The following GLIS3 variants were observed in gnomAD, a reference collection of about 807,000 sequenced individuals.
The protein encoded by GLIS3 is GLIS family zinc finger 3, also known as zinc finger protein GLIS3.
A neutral mutation model predicts 78.6 loss-of-function variants in GLIS3; 53 were observed. The ratio of observed to expected loss-of-function variants is 0.67; its 90% CI spans 0.54 to 0.85. The LOEUF is 0.85. Ranked by LOEUF, GLIS3 falls within the 40% of genes least tolerant of loss-of-function variation. GLIS3 has a pLI of 0.00. For synonymous variants in GLIS3, 684 were observed against 509.9 expected (o/e 1.34, Z -4.60); for missense variants, 1,703 against 1,231.1 (o/e 1.38, Z -5.74).
At chr9:3,927,292 G>C (rs535149045) in intron 6 of GLIS3, among the ~76,000 whole-genome samples, 1 of 152,290 alleles carries the variant, frequency 6.6e-6, no homozygotes, top group South Asian at 2.1e-4. Context: ...AGAGTAGTTT[G>C]TTGAGATCTC....
intron 4 of GLIS3, among the ~76,000 whole-genome samples, chr9:4,110,544 C>A (rs550480325): frequency 7.9e-5 from 12 of 152,300 alleles, no homozygotes; most frequent in African/African-American, 2.6e-4. Context: ...TTTCATTCCA[C>A]TTTCTCACCA....
chr9:4,440,502 A>C, the GLIS3 span, among the ~76,000 whole-genome samples: 24,846 of 152,060 alleles, frequency 0.16, 2,541 homozygotes, highest in South Asian at 0.23. Flanking sequence ...TAAATTGTGG[A>C]TTTATTTCTG....
intron 4 of GLIS3, among the ~76,000 whole-genome samples, chr9:3,988,312 G>T (rs769899689): frequency 5.3e-5 from 8 of 152,094 alleles, no homozygotes; most frequent in Non-Finnish European, 1.2e-4. Flanking sequence ...AATGATAAAA[G>T]AAGGAATCCT....
chr9:4,077,637 C>G (rs1828189157), intron 4 of GLIS3, among the ~76,000 whole-genome samples: 1 of 152,120 alleles, frequency 6.6e-6, no homozygotes, highest in African/African-American at 2.4e-5. Context: ...CACTGGAAAT[C>G]TACAATATTT....
chr9:4,138,043 C>G (rs1246845521), intron 2 of GLIS3, among the ~76,000 whole-genome samples: 1 of 152,216 alleles, frequency 6.6e-6, no homozygotes, highest in Admixed American at 6.5e-5. Context: ...TGTCCCTGCT[C>G]TGTGCTACAC....
chr9:4,262,382 T>A (rs1195960995), intron 2 of GLIS3, among the ~76,000 whole-genome samples: 1 of 152,050 alleles, frequency 6.6e-6, no homozygotes, highest in African/African-American at 2.4e-5. Flanking sequence ...TTGGGAAGGA[T>A]GCAGGGCAGC....
At chr9:4,385,737 A>AAAAGAAAGAGAAAG in the GLIS3 span, among the ~76,000 whole-genome samples, 25 of 54,538 alleles carry the variant, frequency 4.6e-4, 5 homozygotes, top group East Asian at 9.3e-3. Context: ...GAAAGAAAGA[A>AAAAGAAAGAGAAAG]AAAGAAAGAA....
At chr9:4,084,888 A>G (rs1828891757) in intron 4 of GLIS3, among the ~76,000 whole-genome samples, 1 of 151,906 alleles carries the variant, frequency 6.6e-6, no homozygotes, top group South Asian at 2.1e-4. Flanking sequence ...TTCTTAAAGA[A>G]GCCTCTTGCA....
At chr9:4,416,762 G>A in the GLIS3 span, among the ~76,000 whole-genome samples, 4 of 148,222 alleles carry the variant, frequency 2.7e-5, no homozygotes, top group African/African-American at 9.9e-5. Context: ...TCCTCTGATT[G>A]CATATCTAGA....
the GLIS3 span, among the ~76,000 whole-genome samples, chr9:4,399,269 A>G: frequency 9.2e-5 from 14 of 152,214 alleles, no homozygotes; most frequent in African/African-American, 3.4e-4. Context: ...TATGTACCCC[A>G]TGTATATATT....
At chr9:3,887,588 C>T (rs1364215692) in intron 7 of GLIS3, among the ~76,000 whole-genome samples, 1 of 152,170 alleles carries the variant, frequency 6.6e-6, no homozygotes, top group African/African-American at 2.4e-5. Flanking sequence ...GTAGGCTGCT[C>T]AATTACATTT....
chr9:4,332,180 A>C (rs1487914032), intron 2 of GLIS3, among the ~76,000 whole-genome samples: 1 of 152,214 alleles, frequency 6.6e-6, no homozygotes, highest in Non-Finnish European at 1.5e-5. Context: ...TGGAAATCCC[A>C]AAATAGAAGA....
intron 2 of GLIS3, among the ~76,000 whole-genome samples, chr9:4,237,386 G>A (rs570809647): frequency 2.6e-5 from 4 of 152,088 alleles, no homozygotes; most frequent in Non-Finnish European, 5.9e-5. Flanking sequence ...AAATCAGAAT[G>A]TAGAATTAAG....
At chr9:3,967,374 G>C (rs966743574) in intron 4 of GLIS3, among the ~76,000 whole-genome samples, 1 of 151,938 alleles carries the variant, frequency 6.6e-6, no homozygotes, top group African/African-American at 2.4e-5. Flanking sequence ...GTGGTTGCAC[G>C]TGCCTGTAGT....
chr9:4,202,440 A>C (rs571753564), intron 2 of GLIS3, among the ~76,000 whole-genome samples: 1 of 150,724 alleles, frequency 6.6e-6, no homozygotes, highest in Non-Finnish European at 1.5e-5. Flanking sequence ...ATAAAATAAA[A>C]TAAAATAAAA....
rs1279831646 is a variant in GLIS3 at position 3,826,639 on chromosome 9, T to C, written c.*1633A>G. ...TTCTACTGCATGTTGGAATGAACTC[T>C]GGAATCAGGTAGAATACTTCCGCTT... is the stretch of plus-strand genomic sequence containing the variant. On this transcript the variant is annotated 3_prime_UTR_variant, in exon 11 of 11. Transcript: ENST00000381971. The C allele has an allele frequency of 2.0e-5, 3 of 152,212 alleles. No individual in the cohort carries two copies. In the East Asian group the frequency reaches 5.8e-4, roughly 29 times the overall value. 9.4% of individuals were successfully genotyped at this position (152,212 alleles called of 1,614,324 possible). A position where few individuals can be genotyped will look rare whatever the true frequency, so the allele number is the denominator to read the frequency against.
intron 7 of GLIS3, among the ~76,000 whole-genome samples, chr9:3,893,070 T>C (rs925580344): frequency 6.6e-6 from 1 of 152,116 alleles, no homozygotes; most frequent in African/African-American, 2.4e-5. Context: ...AGTCTACTTG[T>C]TTTTCCTGAT....
At chr9:3,878,174 A>C (rs533759120) in intron 8 of GLIS3, among the ~76,000 whole-genome samples, 1 of 151,986 alleles carries the variant, frequency 6.6e-6, no homozygotes, top group Admixed American at 6.5e-5. Context: ...CAATGCCTAC[A>C]TCACTGTGTC....
rs140686476 is a variant in GLIS3, at chr9:4,201,805, A to T, written c.389-75864T>A. On this transcript the variant is annotated intron_variant, in intron 2 of 10. Coordinates refer to ENST00000381971, the MANE Select transcript of GLIS3 (RefSeq NM_001042413.2). ...TCAGTGCTATTCCTATTAAGCTAAT[A>T]ACTTCATTTTTCACAGAACTAGAAA... Among the ~76,000 whole-genome samples, 328 of 152,330 alleles carry T rather than the reference A, an allele frequency of 2.2e-3. 2 individuals carry two copies. Among genetic ancestry groups the T allele is most frequent in the Admixed American group, 5.6e-3 (86 of 15,304 alleles).
Sources: gnomAD v4.1 joint callset for allele counts (sites outside exome capture counted in the v4.1 genomes callset) on GRCh38, gnomAD v4.1.1 for gene constraint, MANE v1.5 for transcripts, NCBI Gene and HGNC (gene_info 2026-07-23, HGNC 2026-07-21) for gene names.